The following KIF20B variants were observed in gnomAD, a reference collection of about 807,000 sequenced individuals.
KIF20B encodes kinesin-like protein KIF20B.
A neutral mutation model predicts 232.5 loss-of-function variants in KIF20B; 188 were observed. The observed-to-expected ratio is 0.81, with a 90% CI of 0.72 to 0.91. KIF20B has a LOEUF of 0.91. Among genes scored for constraint, KIF20B ranks in the 40% least tolerant of loss-of-function variants. KIF20B has a pLI of 0.00. For missense variants in KIF20B, 2,154 were observed against 2,055.9 expected, an observed-to-expected ratio of 1.05 and a Z score of -0.92; for synonymous variants, 712 against 683.0, an observed-to-expected ratio of 1.04 and a Z score of -0.66.
intron 5 of KIF20B, among the ~76,000 whole-genome samples, 200 bp downstream of exon 5, chr10:89,710,265 A>T (rs1359939171): frequency 7.1e-6 from 1 of 141,640 alleles, no homozygotes; most frequent in South Asian, 2.2e-4. Flanking sequence ...TCTGTTGCCC[A>T]GGCTGGAGTG....
rs368179573 is a variant in KIF20B, at chr10:89,716,363, T to A, written c.941-73T>A. The A allele has an allele frequency of 2.4e-5, 16 of 670,908 alleles. No individual in the cohort carries two copies. In the East Asian group the frequency reaches 3.0e-4, roughly 12 times the overall value. 41.6% of individuals were successfully genotyped at this position (670,908 alleles called of 1,614,324 possible). On this transcript the variant is annotated intron_variant, in intron 8 of 32. Transcript: ENST00000371728. ...CATTATATGTCACTAGGAAAAGACT[T>A]TCAAAGAGATTACATTGTAGAACAC...
At chr10:89,726,206 T>C in intron 15 of KIF20B, 87 bp from the exon 16 acceptor site, 1 of 1,330,886 alleles carries the variant, frequency 7.5e-7, no homozygotes. Flanking sequence ...TTTTTGCTTT[T>C]TTAAAAACTG....
Position 89,762,618 on chromosome 10 carries a change from C to G in KIF20B, c.4792-20C>G, listed in dbSNP as rs370503449. On this transcript the variant is annotated intron_variant, in intron 28 of 32. Transcript: ENST00000371728. ...TGTATACTCTACAAATAATATTTTT[C>G]CTTTTACATTCTGTTGTAGGATGGA... 5 of 1,563,108 alleles carry G rather than the reference C, an allele frequency of 3.2e-6. No homozygotes were observed. In the African/African-American group the frequency reaches 6.8e-5, roughly 21 times the overall value.
At chr10:89,764,097 C>T (rs1053749713) in intron 29 of KIF20B, among the ~76,000 whole-genome samples, 23 of 131,352 alleles carry the variant, frequency 1.8e-4, no homozygotes, top group Admixed American at 4.4e-4. Flanking sequence ...CTTCCTGTGT[C>T]CATGTGTTCC....
intron 5 of KIF20B, 54 bp from the exon 6 acceptor site, chr10:89,710,907 G>A (rs1008487156): frequency 6.9e-7 from 1 of 1,441,020 alleles, no homozygotes; most frequent in East Asian, 2.4e-5. Flanking sequence ...AACAAGTAAA[G>A]TTTCCTCTTT....
At chr10:89,717,548 T>C (rs779937913) in intron 10 of KIF20B, 28 bp from the exon 11 acceptor site, 2 of 1,596,916 alleles carry the variant, frequency 1.3e-6, no homozygotes, top group South Asian at 1.1e-5. Context: ...TGAAGAACTT[T>C]TAAAGTACTT....
rs1194343108 is a variant in KIF20B, at chr10:89,716,541, G to A, written c.1046G>A (p.Ser349Asn). 6.8e-7 allele frequency: 1 copy of A among 1,472,006 alleles called. No homozygotes were observed. The highest frequency in any genetic ancestry group is 9.4e-7 in the Non-Finnish European group (1 of 1,062,392). The allele number at this position is 1,472,006 out of a possible 1,614,324, so 91.2% of individuals were successfully genotyped here. ...VAFTKLNNAS[S>N]RSHSIFTVKI... Reference sequence around the variant, plus strand: ...TTCACAAAATTGAATAATGCTTCCAGTAGAAGGTAAAGAATAAACTCTGTA... The same window carrying A: ...TTCACAAAATTGAATAATGCTTCCAATAGAAGGTAAAGAATAAACTCTGTA... The change falls in exon 9 of 33, where the codon AGT becomes AAT. Residue 349 changes from serine to asparagine, a missense_variant. Physicochemically the swap from Ser to Asn is conservative, Grantham distance 46. Transcript: ENST00000371728.
At chr10:89,720,847 AG>A (rs2133100930) in intron 13 of KIF20B, among the ~76,000 whole-genome samples, 1 of 152,262 alleles carries the variant, frequency 6.6e-6, no homozygotes, top group Non-Finnish European at 1.5e-5. Flanking sequence ...CTGGGAGTAT[AG>A]GCATGCGTAA....
intron 13 of KIF20B, chr10:89,723,761 T>A: frequency 2.5e-6 from 1 of 406,432 alleles, no homozygotes; most frequent in Non-Finnish European, 3.9e-6. Flanking sequence ...GGTCTATTTC[T>A]AAAATGTGGA....
intron 31 of KIF20B, among the ~76,000 whole-genome samples, chr10:89,769,563 AAC>A (rs992937240): frequency 1.3e-4 from 20 of 151,984 alleles, no homozygotes; most frequent in Admixed American, 1.2e-3. Flanking sequence ...ATATGTCAAA[AAC>A]ACATTATTTT....
chr10:89,744,365 G>A (rs754805151), intron 22 of KIF20B, among the ~76,000 whole-genome samples: 1 of 152,122 alleles, frequency 6.6e-6, no homozygotes, highest in Non-Finnish European at 1.5e-5. Flanking sequence ...TATACTTACT[G>A]CTTCACCAGT....
At chr10:89,713,085 C>A (rs1842865621) in intron 6 of KIF20B, among the ~76,000 whole-genome samples, 1 of 152,110 alleles carries the variant, frequency 6.6e-6, no homozygotes, top group Non-Finnish European at 1.5e-5. Flanking sequence ...TTTCACTGGG[C>A]ATGGTGGTTC....
chr10:89,710,656 T>A (rs1842819219), intron 5 of KIF20B, among the ~76,000 whole-genome samples: 1 of 152,244 alleles, frequency 6.6e-6, no homozygotes, highest in African/African-American at 2.4e-5. Flanking sequence ...TAAGCATAAA[T>A]GACCAGAAGA....
chr10:89,725,898 T>C (rs1201884275), intron 15 of KIF20B, among the ~76,000 whole-genome samples: 8 of 152,218 alleles, frequency 5.3e-5, no homozygotes, highest in Non-Finnish European at 1.0e-4. Context: ...AGACGTCTGC[T>C]GTCAAGCAAA....
At chr10:89,756,082 C>G (rs1220913356) in intron 26 of KIF20B, among the ~76,000 whole-genome samples, 1 of 152,156 alleles carries the variant, frequency 6.6e-6, no homozygotes, top group South Asian at 2.1e-4. Flanking sequence ...GTATTCTACT[C>G]CAGAAATCAA....
In KIF20B at chr10:89,745,987, C is replaced by T. The variant is rs1376876608; in HGVS notation, c.4096+28C>T. 3.2e-6 allele frequency: 5 copies of T among 1,557,876 alleles called. No individual in the cohort carries two copies. The South Asian group carries it at 4.5e-5, about 14-fold the overall frequency. On this transcript the variant is annotated intron_variant, in intron 23 of 32. Coordinates refer to ENST00000371728, the MANE Select transcript of KIF20B (RefSeq NM_001284259.2). ...CAGGAACAAGTTTGTACTTCTGGAA[C>T]CAGAAAAGTTCTCTTATTCCCCTCG...
At chr10:89,767,434 G>T (rs1409321) in intron 29 of KIF20B, among the ~76,000 whole-genome samples, 118,612 of 151,212 alleles carry the variant, frequency 0.78, 46,872 homozygotes, top group South Asian at 0.93. Context: ...TCTTTTCACT[G>T]GCATCCTATG....
rs1370412399 is a variant in KIF20B at position 89,774,270 on chromosome 10, C to G, written c.*222C>G. On this transcript the variant is annotated 3_prime_UTR_variant, in exon 33 of 33. Coordinates refer to ENST00000371728, the MANE Select transcript of KIF20B (RefSeq NM_001284259.2). ...CTTTCAAACTGTATTTCCCTATTAT[C>G]TCAGACATTGGATCAGTGAAGATCC... 3.3e-6 allele frequency: 1 copy of G among 307,092 alleles called. No individual in the cohort carries two copies. The highest frequency in any genetic ancestry group is 6.0e-6 in the Non-Finnish European group (1 of 167,324). 19.0% of individuals were successfully genotyped at this position (307,092 alleles called of 1,614,324 possible).
intron 25 of KIF20B, among the ~76,000 whole-genome samples, chr10:89,753,198 A>G (rs1007232383): frequency 3.3e-5 from 5 of 152,006 alleles, no homozygotes; most frequent in African/African-American, 1.2e-4. Context: ...ATATGGGGGA[A>G]ACTTTTTTTT....
Sources: allele counts gnomAD v4.1 joint callset (sites outside exome capture counted in the v4.1 genomes callset), GRCh38; gene constraint gnomAD v4.1.1; transcripts MANE v1.5; gene names NCBI Gene and HGNC (gene_info 2026-07-23, HGNC 2026-07-21).